The following RAI2 variants were observed in gnomAD, a reference collection of about 807,000 sequenced individuals.
RAI2 encodes the protein retinoic acid-induced protein 2.
A neutral mutation model predicts 15.3 loss-of-function variants in RAI2; 5 were observed. The ratio of observed to expected loss-of-function variants is 0.33; its 90% CI spans 0.17 to 0.69. The LOEUF (loss-of-function observed/expected upper bound fraction) is 0.69. Among genes scored for constraint, RAI2 ranks in the 30% least tolerant of loss-of-function variants. The probability of loss-of-function intolerance (pLI) is 0.69; values close to 1 mark genes in which losing one functional copy is unlikely to be tolerated. For missense variants in RAI2, 424 were observed against 424.7 expected (o/e 1.00, Z 0.01); for synonymous variants, 191 against 184.0 (o/e 1.04, Z -0.31).
At chrX:17,814,104 G>T (rs2147225838) in intron 1 of RAI2, among the ~76,000 whole-genome samples, 1 of 110,433 alleles carries the variant, frequency 9.1e-6, no homozygotes, top group South Asian at 3.9e-4. Flanking sequence ...ACCAGTAGAG[G>T]AGTGAAGTGG....
chrX:17,852,632 A>C (rs918263716), intron 1 of RAI2, among the ~76,000 whole-genome samples: 3 of 111,872 alleles, frequency 2.7e-5, no homozygotes, highest in Non-Finnish European at 5.6e-5. Flanking sequence ...TCCTTGTGTA[A>C]GGCATGACCC....
At chrX:17,804,142 T>C (rs2066952353) in intron 1 of RAI2, among the ~76,000 whole-genome samples, 1 of 110,475 alleles carries the variant, frequency 9.1e-6, no homozygotes, top group Non-Finnish European at 1.9e-5. Context: ...GTATTTTTAG[T>C]AGAGATGGGG....
At position 17,800,912 on chromosome X, in the gene RAI2, C is replaced by G. The variant is rs1253656424; in HGVS notation, c.1099G>C (p.Val367Leu). ...PETLYDSGAS[V>L]DSSGHTVMEK... ...ATCACTGTGTGACCTGAGCTGTCCA[C>G]TGATGCACCACTGTCATACAGTGTC... The change falls in exon 2 of 2, where the codon GTG (valine) becomes CTG (leucine). Residue 367 changes from valine (V) to leucine (L), a missense_variant. Transcript: ENST00000451717. The G allele has an allele frequency of 8.3e-7, 1 of 1,211,437 alleles. No homozygotes were observed. The highest frequency in any genetic ancestry group is 3.0e-5 in the East Asian group (1 of 33,818).
intron 1 of RAI2, among the ~76,000 whole-genome samples, chrX:17,842,655 GA>G (rs780365815): frequency 0.028 from 1,850 of 66,350 alleles, 33 homozygotes; most frequent in African/African-American, 0.075. Context: ...ATATGTATAG[GA>G]AAAAAAAAAA....
At position 17,801,596 on chromosome X, in the gene RAI2, C is replaced by T. The variant is rs2066912911; in HGVS notation, c.415G>A (p.Val139Ile). 1 of 1,208,343 alleles carries T rather than the reference C, an allele frequency of 8.3e-7. No individual in the cohort carries two copies. The highest frequency in any genetic ancestry group is 1.1e-6 in the Non-Finnish European group (1 of 894,436). Reference protein sequence around the residue: ...HVFQHLNSPLVLPQEAPCSSS... With the variant: ...HVFQHLNSPLILPQEAPCSSS... ...GAGCATGGGGCCTCCTGCGGCAGGA[C>T]CAGAGGGGAGTTGAGGTGCTGAAAG... Residue 139 changes from valine (V) to isoleucine (I), a missense_variant, in exon 2 of 2, where the codon GTC (valine) becomes ATC (isoleucine). Coordinates refer to ENST00000451717, the MANE Select transcript of RAI2 (RefSeq NM_021785.6).
At chrX:17,807,886 A>G (rs1219988117) in intron 1 of RAI2, among the ~76,000 whole-genome samples, 4 of 112,131 alleles carry the variant, frequency 3.6e-5, no homozygotes, top group Non-Finnish European at 7.5e-5. Context: ...TTTTCTCAAG[A>G]TATGGGTTTT....
chrX:17,828,325 CCT>C (rs2067248104), intron 1 of RAI2, among the ~76,000 whole-genome samples: 1 of 109,935 alleles, frequency 9.1e-6, no homozygotes, highest in Non-Finnish European at 1.9e-5. Flanking sequence ...TGCTTGCCTC[CCT>C]CTCTCTCCTG....
intron 1 of RAI2, among the ~76,000 whole-genome samples, chrX:17,804,210 T>G (rs1386918230): frequency 8.9e-6 from 1 of 111,812 alleles, no homozygotes; most frequent in Non-Finnish European, 1.9e-5. Flanking sequence ...TCCTCCCACT[T>G]CGGCTTCCCA....
Position 17,801,950 on chromosome X carries a change from C to T in RAI2, c.61G>A (p.Ala21Thr), listed in dbSNP as rs1601898185. ...ATGCCATTCTCCAGTCTGTTATTAG[C>T]CAAGGCAGGAGGGGAGTCAGTCATG... ...MDMTDSPPAL[A>T]NNRLENGMAQ... The change falls in exon 2 of 2, where the codon GCT becomes ACT. Residue 21 changes from alanine to threonine, a missense_variant. By Grantham distance (58) the Ala-to-Thr change is moderately conservative (BLOSUM62 0). Transcript: ENST00000451717. 3 of 1,211,002 alleles carry T rather than the reference C, an allele frequency of 2.5e-6. No individual in the cohort carries two copies. The East Asian group carries it at 8.9e-5, about 36-fold the overall frequency.
intron 1 of RAI2, among the ~76,000 whole-genome samples, chrX:17,838,073 C>A (rs192882946): frequency 3.6e-3 from 402 of 112,298 alleles, no homozygotes; most frequent in African/African-American, 0.013. Context: ...AACAGCCAGA[C>A]AAAAAGACTA....
At chrX:17,853,657 T>C (rs2067563686) in intron 1 of RAI2, among the ~76,000 whole-genome samples, 1 of 111,439 alleles carries the variant, frequency 9.0e-6, no homozygotes, top group South Asian at 3.8e-4. Flanking sequence ...TGCTTGGCCT[T>C]TAACATTCAT....
intron 1 of RAI2, among the ~76,000 whole-genome samples, chrX:17,820,176 C>T (rs1269452636): frequency 2.7e-5 from 3 of 111,844 alleles, no homozygotes; most frequent in Admixed American, 9.5e-5. Context: ...AACATCAGCC[C>T]CCAAACACAA....
At chrX:17,809,306 A>G (rs1442476848) in intron 1 of RAI2, among the ~76,000 whole-genome samples, 4 of 111,712 alleles carry the variant, frequency 3.6e-5, no homozygotes, top group African/African-American at 9.8e-5. Flanking sequence ...CTTCATGAGG[A>G]CGGACAGTGG....
At chrX:17,823,485 C>A (rs907171030) in intron 1 of RAI2, among the ~76,000 whole-genome samples, 4 of 111,787 alleles carry the variant, frequency 3.6e-5, no homozygotes, top group Non-Finnish European at 7.5e-5. Context: ...CCTCCCATGG[C>A]CCACAGTAGG....
chrX:17,857,548 T>C (rs1370923127), intron 1 of RAI2, among the ~76,000 whole-genome samples: 2 of 111,552 alleles, frequency 1.8e-5, no homozygotes, highest in Admixed American at 1.9e-4. Context: ...ACCTACAAGA[T>C]GGGAATAATC....
intron 1 of RAI2, among the ~76,000 whole-genome samples, chrX:17,840,979 G>A (rs1374953532): frequency 8.9e-6 from 1 of 112,154 alleles, no homozygotes; most frequent in Non-Finnish European, 1.9e-5. Context: ...GTGAATTAGA[G>A]AGGGAAACAA....
chrX:17,851,875 T>C (rs938301670), intron 1 of RAI2, among the ~76,000 whole-genome samples: 1 of 112,511 alleles, frequency 8.9e-6, no homozygotes, highest in Non-Finnish European at 1.9e-5. Flanking sequence ...TTATTTAGCT[T>C]TTCCCTATAG....
intron 1 of RAI2, among the ~76,000 whole-genome samples, chrX:17,838,248 G>A (rs1282282555): frequency 1.8e-5 from 2 of 112,438 alleles, no homozygotes; most frequent in Non-Finnish European, 3.8e-5. Context: ...TCTGGGGTAT[G>A]ATTATACGGG....
In RAI2 at chrX:17,801,584, C is replaced by T. The variant is rs751935740; in HGVS notation, c.427G>A (p.Glu143Lys). ...ATGGTACTGGAGGAGCATGGGGCCT[C>T]CTGCGGCAGGACCAGAGGGGAGTTG... ...HLNSPLVLPQEAPCSSSTIHN... is the reference protein window; with the variant it reads ...HLNSPLVLPQKAPCSSSTIHN... The change falls in exon 2 of 2, where the codon GAG becomes AAG. Residue 143 changes from glutamate (E) to lysine (K), a missense_variant. Coordinates refer to ENST00000451717, the MANE Select transcript of RAI2 (RefSeq NM_021785.6). 5.8e-6 allele frequency: 7 copies of T among 1,207,646 alleles called. No individual in the cohort carries two copies. The African/African-American group carries it at 1.1e-4, about 18-fold the overall frequency.
Sources: gnomAD v4.1 joint callset for allele counts (sites outside exome capture counted in the v4.1 genomes callset) on GRCh38, gnomAD v4.1.1 for gene constraint, MANE v1.5 for transcripts, NCBI Gene and HGNC (gene_info 2026-07-23, HGNC 2026-07-21) for gene names.